C3orf18: variants seen among roughly 807,000 people sequenced by gnomAD.
C3orf18 encodes uncharacterized protein C3orf18.
Under a neutral mutation model 14.1 loss-of-function variants are expected in C3orf18, and 12 were observed. The observed-to-expected ratio is 0.85, with a 90% CI of 0.55 to 1.38. C3orf18 has a LOEUF of 1.38. Among genes scored for constraint, C3orf18 ranks in the 40% most tolerant of loss-of-function variants. The pLI is 0.00. For missense variants in C3orf18, 196 were observed against 213.9 expected, an observed-to-expected ratio of 0.92 and a Z score of 0.52; for synonymous variants, 82 against 87.9, an observed-to-expected ratio of 0.93 and a Z score of 0.38.
chr3:50,568,880 C>T (rs1250401317), upstream of C3orf18, among the ~76,000 whole-genome samples: 1 of 152,206 alleles, frequency 6.6e-6, no homozygotes, highest in African/African-American at 2.4e-5. Context: ...CCAGAGGTCC[C>T]AACACCTGGA....
upstream of C3orf18, among the ~76,000 whole-genome samples, chr3:50,574,454 C>T (rs761472617): frequency 5.3e-5 from 8 of 152,324 alleles, 1 homozygote; most frequent in South Asian, 1.7e-3. Flanking sequence ...TTACCCTCCC[C>T]AAGGTGGCCA....
upstream of C3orf18, among the ~76,000 whole-genome samples, chr3:50,568,045 G>A (rs929987676): frequency 2.0e-5 from 3 of 152,264 alleles, no homozygotes; most frequent in Non-Finnish European, 4.4e-5. Context: ...GAGACTTGGG[G>A]AGAGCACTGG....
intron 4 of C3orf18, among the ~76,000 whole-genome samples, chr3:50,561,496 T>C (rs1699965900): frequency 6.6e-6 from 1 of 152,206 alleles, no homozygotes; most frequent in African/African-American, 2.4e-5. Context: ...CCCAGGATTA[T>C]ACCCAGTTAT....
chr3:50,562,478 C>T lies in C3orf18; in HGVS notation c.235-731G>A, dbSNP rs141483875. On this transcript the variant is annotated intron_variant, in intron 3 of 5. Transcript: ENST00000357203. The stretch of plus-strand genomic sequence containing the variant: ...CATGCAGGCAAAAAGTAAAGGGACC[C>T]GGTAAGGTAGCACATGCCTGTAGTC... The T allele has an allele frequency of 2.8e-3, 1,253 of 454,440 alleles. 3 individuals are homozygous for T. Among genetic ancestry groups the T allele is most frequent in the Non-Finnish European group, 4.6e-3 (1,037 of 226,758 alleles). The allele number at this position is 454,440 out of a possible 1,614,324, so 28.2% of individuals were successfully genotyped here. A position where few individuals can be genotyped will look rare whatever the true frequency, so the allele number is the denominator to read the frequency against.
At chr3:50,568,446 G>A (rs34166957), upstream of C3orf18, among the ~76,000 whole-genome samples, 2,709 of 152,238 alleles carry the variant, frequency 0.018, 42 homozygotes, top group Non-Finnish European at 0.026. Flanking sequence ...AGCAGTTTAA[G>A]GCCGGGCGTG....
At chr3:50,570,798 A>G, upstream of C3orf18, 1 of 276,832 alleles carries the variant, frequency 3.6e-6, no homozygotes, top group East Asian at 6.7e-5. Flanking sequence ...GAATGATCAA[A>G]TAGGTGGGTA....
chr3:50,562,639 G>C, intron 3 of C3orf18: 1 of 431,200 alleles, frequency 2.3e-6, no homozygotes. Flanking sequence ...ACTCTGTAGC[G>C]TGTAGAGCAG....
chr3:50,571,093 T>C (rs908456134), upstream of C3orf18: 2 of 1,570,950 alleles, frequency 1.3e-6, no homozygotes, highest in East Asian at 4.5e-5. Context: ...CTGGAGAACC[T>C]TTCCCTGAGA....
chr3:50,571,478 G>C (rs2232247), upstream of C3orf18: 430 of 683,978 alleles, frequency 6.3e-4, 2 homozygotes, highest in East Asian at 0.011. Flanking sequence ...GGCACACACT[G>C]TAACAGTTTG....
At chr3:50,571,203 A>T (rs780051212), upstream of C3orf18, 2 of 1,613,434 alleles carry the variant, frequency 1.2e-6, no homozygotes, top group South Asian at 2.2e-5. Flanking sequence ...AACCCCAACC[A>T]CCTCTGGCTG....
Position 50,565,711 on chromosome 3 carries a change from G to A in C3orf18, c.-12C>T. On this transcript the variant is annotated 5_prime_UTR_variant, in exon 3 of 6. Transcript: ENST00000357203. This position sits in a 1 kb window ranked among gnomAD's most constrained non-coding sequence, Gnocchi z 4.4. Reference sequence around the variant, plus strand: ...GTCCTGGAGTTCATGCTGATGCGGAGAGGGCCCTGGCTGAGAGGCTGCCTG... The same window carrying A: ...GTCCTGGAGTTCATGCTGATGCGGAAAGGGCCCTGGCTGAGAGGCTGCCTG... The A allele has an allele frequency of 6.3e-7, 1 of 1,597,584 alleles. No individual in the cohort carries two copies. The highest frequency in any genetic ancestry group is 1.1e-5 in the South Asian group (1 of 90,616).
chr3:50,560,851 G>A lies in C3orf18; in HGVS notation c.408+66C>T, dbSNP rs1046337124. 162 of 1,499,976 alleles carry A rather than the reference G, an allele frequency of 1.1e-4. No homozygotes were observed. The Middle Eastern group carries it at 2.1e-3, about 20-fold the overall frequency. The allele number at this position is 1,499,976 out of a possible 1,614,324, so 92.9% of individuals were successfully genotyped here. On this transcript the variant is annotated intron_variant, in intron 5 of 5. Transcript: ENST00000357203. ...GGTGCTAGAAAGCTGCATGAGAAAGGAGGGAGGGTGAGGGTGGAGGACAGA... is the reference window on the plus strand; with the variant it reads ...GGTGCTAGAAAGCTGCATGAGAAAGAAGGGAGGGTGAGGGTGGAGGACAGA...
Position 50,561,082 on chromosome 3 carries a change from G to T in C3orf18, c.261-18C>A. ...TCTCCAGCCTGGGGATGGGGGCAAA[G>T]GCTGCTGGGGACAGGGCAGGCCCTT... On this transcript the variant is annotated intron_variant, in intron 4 of 5. Transcript: ENST00000357203. 3 of 1,612,448 alleles carry T rather than the reference G, an allele frequency of 1.9e-6. No homozygotes were observed. The highest frequency in any genetic ancestry group is 2.5e-6 in the Non-Finnish European group (3 of 1,179,094).
At chr3:50,568,668 T>G (rs114138527), upstream of C3orf18, among the ~76,000 whole-genome samples, 398 of 130,238 alleles carry the variant, frequency 3.1e-3, 1 homozygote, top group African/African-American at 0.012. Flanking sequence ...GAGGTTGCAG[T>G]GAGCAGAGAT....
rs780484029 is a variant in C3orf18, at chr3:50,565,671, C to T, written c.29G>A (p.Gly10Asp). The change falls in exon 3 of 6, where the codon GGC (glycine) becomes GAC (aspartate). Residue 10 changes from glycine to aspartate, a missense_variant. Physicochemically the swap from Gly to Asp is moderately conservative, Grantham distance 94. Transcript: ENST00000357203. This position sits in a 1 kb window ranked among gnomAD's most constrained non-coding sequence, Gnocchi z 4.4. ...GGTGGGTGGGCGGCTGCTGAACCAG[C>T]CCCTAGCAGATGCGGTCCTGGAGTT... MNSRTASARGWFSSRPPTSE... is the reference protein window; with the variant it reads MNSRTASARDWFSSRPPTSE... 4 of 1,612,350 alleles carry T rather than the reference C, an allele frequency of 2.5e-6. No individual in the cohort carries two copies. Among genetic ancestry groups the T allele is most frequent in the East Asian group, 2.2e-5 (1 of 44,878 alleles).
At chr3:50,566,671 T>C (rs1044769379) in intron 1 of C3orf18, among the ~76,000 whole-genome samples, 2 of 152,038 alleles carry the variant, frequency 1.3e-5, no homozygotes, top group African/African-American at 4.8e-5. Context: ...TCTGGTTCTC[T>C]GGCGGGGCTT....
At chr3:50,564,666 T>C (rs758733338) in intron 3 of C3orf18, among the ~76,000 whole-genome samples, 10 of 152,178 alleles carry the variant, frequency 6.6e-5, no homozygotes, top group African/African-American at 1.2e-4. Flanking sequence ...CCAGCCTCTA[T>C]TGGGTTCCAA....
Position 50,559,415 on chromosome 3 carries a change from T to C in C3orf18, c.*242A>G. On this transcript the variant is annotated 3_prime_UTR_variant, in exon 6 of 6. Transcript: ENST00000357203. ...CTCTTGACCTTCTCAGCATGAGGGATGCCCTCTGTGCCAGGGCCCTCAGGT... is the reference window on the plus strand; with the variant it reads ...CTCTTGACCTTCTCAGCATGAGGGACGCCCTCTGTGCCAGGGCCCTCAGGT... The C allele has an allele frequency of 2.2e-6, 3 of 1,385,182 alleles. No homozygotes were observed. The highest frequency in any genetic ancestry group is 2.8e-6 in the Non-Finnish European group (3 of 1,068,360). The allele number at this position is 1,385,182 out of a possible 1,614,324, so 85.8% of individuals were successfully genotyped here.
In C3orf18 at chr3:50,561,904, C is replaced by CTT. The variant is rs35405680; in HGVS notation, c.235-159_235-158dup. 2,525 of 594,580 alleles carry CTT rather than the reference C, an allele frequency of 4.2e-3. 1 individual carries two copies. The highest frequency in any genetic ancestry group is 0.011 in the East Asian group (366 of 33,822). 36.8% of individuals were successfully genotyped at this position (594,580 alleles called of 1,614,324 possible). ...CCACTCCCCCTTCACCTTCATGCCT[C>CTT]TTTTTTTTTTTTTGAGACAGAGTCT... On this transcript the variant is annotated intron_variant, in intron 3 of 5. Transcript: ENST00000357203.
Sources: allele counts gnomAD v4.1 joint callset (sites outside exome capture counted in the v4.1 genomes callset), GRCh38; gene constraint gnomAD v4.1.1; non-coding constraint Gnocchi (gnomAD v3.1); transcripts MANE v1.5; gene names NCBI Gene and HGNC (gene_info 2026-07-23, HGNC 2026-07-21).